Variants in VGLL4 observed in about 807,000 individuals in gnomAD.
VGLL4 encodes vestigial like family member 4, also known as transcription cofactor vestigial-like protein 4.
A neutral mutation model predicts 21.0 loss-of-function variants in VGLL4; 7 were observed. That is an observed-to-expected ratio of 0.33 (90% CI 0.19 to 0.63). The LOEUF is 0.63. Among genes scored for constraint, VGLL4 ranks in the 20% least tolerant of loss-of-function variants. The pLI is 0.78. For synonymous variants in VGLL4, 222 were observed against 173.2 expected (o/e 1.28, Z -2.21); for missense variants, 394 against 425.7 (o/e 0.93, Z 0.66).
chr3:11,637,099 T>G (rs561043129), intron 1 of VGLL4, among the ~76,000 whole-genome samples: 1 of 149,660 alleles, frequency 6.7e-6, no homozygotes, highest in Admixed American at 6.7e-5. Context: ...ATTAGACACA[T>G]GGTAGTAAAG....
At position 11,556,755 on chromosome 3, in the gene VGLL4, G is replaced by A. The variant is rs1575328522; in HGVS notation, c.*1801C>T. On this transcript the variant is annotated 3_prime_UTR_variant, in exon 5 of 5. Transcript: ENST00000430365. ...GTACATTCTTTACGCACAGCGTAAC[G>A]ATGGTCTCAAAATCACCCATATAGA... 1.3e-5 allele frequency: 2 copies of A among 152,582 alleles called. No individual in the cohort carries two copies. The highest frequency in any genetic ancestry group is 1.9e-4 in the East Asian group (1 of 5,338). The allele number at this position is 152,582 out of a possible 1,614,324, so 9.5% of individuals were successfully genotyped here.
At chr3:11,695,743 T>C (rs1019339816) in intron 2 of VGLL4, among the ~76,000 whole-genome samples, 1 of 152,082 alleles carries the variant, frequency 6.6e-6, no homozygotes, top group African/African-American at 2.4e-5. Flanking sequence ...GTACCCCGTC[T>C]CCTCTCTGAG....
intron 1 of VGLL4, 37 bp downstream of exon 1, chr3:11,643,400 C>T: frequency 6.2e-7 from 1 of 1,613,732 alleles, no homozygotes; most frequent in Non-Finnish European, 8.5e-7. Context: ...GTGGCCGGGA[C>T]GAGCAACGGG....
chr3:11,647,045 T>C (rs1367648634), upstream of VGLL4, among the ~76,000 whole-genome samples: 1 of 152,216 alleles, frequency 6.6e-6, no homozygotes, highest in Non-Finnish European at 1.5e-5. Context: ...GCATTACATT[T>C]TATAAACTAT....
chr3:11,619,688 T>A (rs1399713000), intron 1 of VGLL4, among the ~76,000 whole-genome samples: 1 of 152,146 alleles, frequency 6.6e-6, no homozygotes, highest in African/African-American at 2.4e-5. Context: ...ATCAGGCCGA[T>A]TGATGATTAC....
chr3:11,639,110 T>C (rs893985338), intron 1 of VGLL4, among the ~76,000 whole-genome samples: 2 of 152,234 alleles, frequency 1.3e-5, no homozygotes, highest in African/African-American at 2.4e-5. Flanking sequence ...TACACACTAA[T>C]GGCTCTTAAC....
chr3:11,718,131 C>G (rs537607855), intron 1 of VGLL4, among the ~76,000 whole-genome samples: 7 of 152,008 alleles, frequency 4.6e-5, no homozygotes, highest in African/African-American at 1.7e-4. Flanking sequence ...GGCAGGCTGC[C>G]CAGAAGTGTG....
intron 2 of VGLL4, among the ~76,000 whole-genome samples, chr3:11,697,661 G>A (rs775320731): frequency 1.3e-5 from 2 of 152,178 alleles, no homozygotes; most frequent in Admixed American, 1.3e-4. Flanking sequence ...TCATTAAGCT[G>A]ACCTGGTTTG....
intron 1 of VGLL4, among the ~76,000 whole-genome samples, chr3:11,618,560 C>T (rs1230029065): frequency 6.6e-6 from 1 of 152,078 alleles, no homozygotes. Flanking sequence ...TTTAAAGGTG[C>T]AATTGCAGAC....
intron 2 of VGLL4, among the ~76,000 whole-genome samples, chr3:11,591,533 G>A (rs998433735): frequency 1.3e-5 from 2 of 152,216 alleles, no homozygotes; most frequent in African/African-American, 4.8e-5. Flanking sequence ...AGGCCTGCTG[G>A]GAGAAGGCTG....
intron 2 of VGLL4, among the ~76,000 whole-genome samples, chr3:11,598,050 T>C (rs1172603106): frequency 6.6e-6 from 1 of 151,568 alleles, no homozygotes; most frequent in Non-Finnish European, 1.5e-5. Context: ...TTATAAGACA[T>C]CATCTCGCTC....
intron 1 of VGLL4, among the ~76,000 whole-genome samples, chr3:11,708,860 G>A (rs1261424528): frequency 6.6e-6 from 1 of 151,996 alleles, no homozygotes; most frequent in African/African-American, 2.4e-5. Context: ...GTGGGGGTTC[G>A]AGACTAGCCT....
chr3:11,635,693 G>GA (rs1476194229), intron 1 of VGLL4, among the ~76,000 whole-genome samples: 2 of 152,130 alleles, frequency 1.3e-5, no homozygotes, highest in Non-Finnish European at 2.9e-5. Flanking sequence ...GCCTCTAATA[G>GA]AAAAAAGCCT....
intron 2 of VGLL4, among the ~76,000 whole-genome samples, chr3:11,683,861 T>G (rs1008880146): frequency 6.6e-6 from 1 of 152,162 alleles, no homozygotes; most frequent in African/African-American, 2.4e-5. Context: ...ATGAAAATTT[T>G]AAATCCTATA....
intron 1 of VGLL4, chr3:11,626,298 CA>C (rs1187143058): frequency 9.0e-6 from 4 of 446,004 alleles, no homozygotes; most frequent in African/African-American, 4.1e-5. Context: ...ACAACCTTTC[CA>C]AAAAAATACA....
intron 2 of VGLL4, among the ~76,000 whole-genome samples, chr3:11,666,922 A>T (rs2076135777): frequency 6.6e-6 from 1 of 152,132 alleles, no homozygotes; most frequent in South Asian, 2.1e-4. Flanking sequence ...GCCTGCTCTC[A>T]GGTTCCCCCT....
intron 2 of VGLL4, among the ~76,000 whole-genome samples, chr3:11,699,895 T>G (rs2076656094): frequency 1.3e-5 from 2 of 152,192 alleles, no homozygotes; most frequent in South Asian, 4.1e-4. Flanking sequence ...TTTATCCTCA[T>G]TCTTCAAAAA....
intron 3 of VGLL4, among the ~76,000 whole-genome samples, chr3:11,561,127 C>A (rs569634309): frequency 7.1e-4 from 66 of 93,122 alleles, no homozygotes; most frequent in African/African-American, 3.6e-3. Flanking sequence ...TCTAGGAGAC[C>A]CCCCCCCAGG....
chr3:11,702,420 G>GCCAA (rs1037669837), intron 2 of VGLL4, among the ~76,000 whole-genome samples: 1 of 139,538 alleles, frequency 7.2e-6, no homozygotes, highest in African/African-American at 2.7e-5. Flanking sequence ...GACCAGCCTG[G>GCCAA]CCAACATGGT....
Sources: gnomAD v4.1 joint callset for allele counts (sites outside exome capture counted in the v4.1 genomes callset) on GRCh38, gnomAD v4.1.1 for gene constraint, MANE v1.5 for transcripts, NCBI Gene and HGNC (gene_info 2026-07-23, HGNC 2026-07-21) for gene names.